The following FAM171A1 variants were observed in gnomAD, a reference collection of about 807,000 sequenced individuals.
FAM171A1 encodes protein FAM171A1.
In FAM171A1, 23 loss-of-function variants were observed where a neutral mutation model predicts 74.9. The observed-to-expected ratio is 0.31, with a 90% CI of 0.22 to 0.44. The LOEUF is 0.44. Among genes scored for constraint, FAM171A1 ranks in the 20% least tolerant of loss-of-function variants. The pLI is 1.00. For missense variants in FAM171A1, 1,162 were observed against 1,159.2 expected, an observed-to-expected ratio of 1.00 and a Z score of -0.03; for synonymous variants, 527 against 505.7, an observed-to-expected ratio of 1.04 and a Z score of -0.57.
chr10:15,351,301 T>G (rs1232329051), intron 1 of FAM171A1, among the ~76,000 whole-genome samples: 1 of 151,944 alleles, frequency 6.6e-6, no homozygotes, highest in East Asian at 1.9e-4. Context: ...TGAACCCGAG[T>G]GTGGGTGCGT....
chr10:15,273,863 T>C (rs555873425), intron 3 of FAM171A1, among the ~76,000 whole-genome samples: 1 of 152,222 alleles, frequency 6.6e-6, no homozygotes, highest in South Asian at 2.1e-4. Flanking sequence ...CTCAATAAAC[T>C]AGGTATTGAT....
chr10:15,337,235 G>A (rs956841548), intron 1 of FAM171A1, among the ~76,000 whole-genome samples: 1 of 152,122 alleles, frequency 6.6e-6, no homozygotes, highest in Non-Finnish European at 1.5e-5. Context: ...GCCAGAGTTG[G>A]AACAATTAGA....
chr10:15,280,053 C>G (rs918328011), intron 2 of FAM171A1, among the ~76,000 whole-genome samples: 2 of 152,100 alleles, frequency 1.3e-5, no homozygotes, highest in African/African-American at 4.8e-5. Context: ...CACCACTGCA[C>G]TCCAGCCTGG....
chr10:15,369,312 G>A (rs1387605773), intron 1 of FAM171A1, among the ~76,000 whole-genome samples: 1 of 150,044 alleles, frequency 6.7e-6, no homozygotes, highest in Non-Finnish European at 1.5e-5. Flanking sequence ...AAGTGCAAAA[G>A]GAAAAATTCA....
At chr10:15,244,032 A>T (rs935138272) in intron 5 of FAM171A1, among the ~76,000 whole-genome samples, 6 of 152,198 alleles carry the variant, frequency 3.9e-5, no homozygotes, top group Non-Finnish European at 8.8e-5. Flanking sequence ...TTACAGGCAT[A>T]TCAGAGTATC....
intron 1 of FAM171A1, among the ~76,000 whole-genome samples, chr10:15,354,865 C>T (rs1034127574): frequency 6.6e-6 from 1 of 152,180 alleles, no homozygotes. Context: ...GTAGGAGCAG[C>T]TTGTTCAATC....
At chr10:15,373,829 T>C (rs77079513), upstream of FAM171A1, among the ~76,000 whole-genome samples, 1,431 of 152,338 alleles carry the variant, frequency 9.4e-3, 11 homozygotes, top group Middle Eastern at 0.02. Flanking sequence ...AGTTCCAGAA[T>C]GTTTCAGGGT....
chr10:15,239,764 G>T (rs781648156), intron 5 of FAM171A1, among the ~76,000 whole-genome samples: 7 of 152,202 alleles, frequency 4.6e-5, no homozygotes, highest in Non-Finnish European at 7.3e-5. Context: ...TAACAAAATA[G>T]CTTTAACAAA....
intron 1 of FAM171A1, among the ~76,000 whole-genome samples, chr10:15,370,298 C>G (rs1028603089): frequency 5.9e-5 from 8 of 136,050 alleles, no homozygotes; most frequent in Middle Eastern, 3.9e-3. Flanking sequence ...ATTCTTTCTT[C>G]CCTTACAGAG....
rs532699703 is a variant in FAM171A1 at position 15,359,793 on chromosome 10, G to A, written c.97+11163C>T. Among the ~76,000 whole-genome samples, 66 of 152,330 alleles carry A rather than the reference G, an allele frequency of 4.3e-4. No individual in the cohort carries two copies. In the South Asian group the frequency reaches 9.5e-3, roughly 22 times the overall value. ...GATGCACTCTTGCTGACTTGGCAAT[G>A]GAAGGGGCAAGGTGACAAGGAATGC... On this transcript the variant is annotated intron_variant, in intron 1 of 7. Transcript: ENST00000378116.
At chr10:15,312,773 C>G (rs1835379650) in intron 1 of FAM171A1, among the ~76,000 whole-genome samples, 1 of 134,760 alleles carries the variant, frequency 7.4e-6, no homozygotes, top group African/African-American at 2.7e-5. Context: ...TCTCGGCTCA[C>G]TGCAAACTCC....
chr10:15,301,897 G>A (rs2131828250), intron 1 of FAM171A1, among the ~76,000 whole-genome samples: 2 of 152,226 alleles, frequency 1.3e-5, no homozygotes, highest in South Asian at 4.2e-4. Flanking sequence ...AGAACCCAAG[G>A]AACTATATGC....
At chr10:15,326,357 C>A (rs1288981345) in intron 1 of FAM171A1, among the ~76,000 whole-genome samples, 1 of 152,106 alleles carries the variant, frequency 6.6e-6, no homozygotes, top group African/African-American at 2.4e-5. Context: ...CTCTGTCATC[C>A]AGGCTGGAGT....
intron 1 of FAM171A1, among the ~76,000 whole-genome samples, chr10:15,364,671 T>C (rs1043175267): frequency 6.6e-6 from 1 of 152,152 alleles, no homozygotes; most frequent in Admixed American, 6.5e-5. Context: ...TCAGTTTCAC[T>C]GGGCTAAAGC....
chr10:15,326,886 C>A (rs1188340392), intron 1 of FAM171A1, among the ~76,000 whole-genome samples: 1 of 152,166 alleles, frequency 6.6e-6, no homozygotes, highest in African/African-American at 2.4e-5. Flanking sequence ...CCCTGGCTTC[C>A]TAAAGGGCTG....
rs187627638 is a variant in FAM171A1, at chr10:15,322,962, A to C, written c.98-38857T>G. ...CGAGACCAGCCTGGCCAACATGGCGAAACCCTGTCTCTACTAAATATACAA... is the reference window on the plus strand; with the variant it reads ...CGAGACCAGCCTGGCCAACATGGCGCAACCCTGTCTCTACTAAATATACAA... On this transcript the variant is annotated intron_variant, in intron 1 of 7. Coordinates refer to ENST00000378116, the MANE Select transcript of FAM171A1 (RefSeq NM_001010924.2). Among the ~76,000 whole-genome samples, 239 of 152,038 alleles carry C rather than the reference A, an allele frequency of 1.6e-3. 2 individuals carry two copies. The East Asian group carries it at 0.023, about 15-fold the overall frequency.
chr10:15,289,904 G>T (rs1223008443), intron 1 of FAM171A1, among the ~76,000 whole-genome samples: 5 of 152,188 alleles, frequency 3.3e-5, no homozygotes, highest in Non-Finnish European at 7.3e-5. Context: ...AGACCATAAG[G>T]GCTGCAAAGC....
intron 5 of FAM171A1, among the ~76,000 whole-genome samples, chr10:15,233,071 G>T (rs1834228505): frequency 6.6e-6 from 1 of 152,152 alleles, no homozygotes; most frequent in Non-Finnish European, 1.5e-5. Context: ...GAGGCAGGCA[G>T]ATCACGAGGT....
At chr10:15,271,650 C>T (rs527795551) in intron 3 of FAM171A1, among the ~76,000 whole-genome samples, 32 of 152,290 alleles carry the variant, frequency 2.1e-4, no homozygotes, top group African/African-American at 7.0e-4. Context: ...GGATTACCCA[C>T]AAAGGGAAGC....
Sources: allele counts gnomAD v4.1 joint callset (sites outside exome capture counted in the v4.1 genomes callset), GRCh38; gene constraint gnomAD v4.1.1; transcripts MANE v1.5; gene names NCBI Gene and HGNC (gene_info 2026-07-23, HGNC 2026-07-21).